The following GRM1 variants were observed in gnomAD, a reference collection of about 807,000 sequenced individuals.
GRM1 encodes the protein metabotropic glutamate receptor 1.
Under a neutral mutation model 90.9 loss-of-function variants are expected in GRM1, and 33 were observed. The ratio of observed to expected loss-of-function variants is 0.36; its 90% CI spans 0.28 to 0.49. The LOEUF is 0.49. Among genes scored for constraint, GRM1 ranks in the 20% least tolerant of loss-of-function variants. The probability of loss-of-function intolerance (pLI) is 0.99; values close to 1 mark genes in which losing one functional copy is unlikely to be tolerated. For missense variants in GRM1, 1,190 were observed against 1,534.3 expected (o/e 0.78, Z 3.75); for synonymous variants, 700 against 613.2 (o/e 1.14, Z -2.09).
chr6:146,270,849 T>TTTTCTTTC (rs1164507964), intron 2 of GRM1, among the ~76,000 whole-genome samples: 1,409 of 91,646 alleles, frequency 0.015, 127 homozygotes, highest in East Asian at 0.025. Flanking sequence ...CTTTCTTTCT[T>TTTTCTTTC]TTTCTTTCTT....
At chr6:146,215,912 A>T (rs1779855643) in intron 2 of GRM1, among the ~76,000 whole-genome samples, 1 of 152,050 alleles carries the variant, frequency 6.6e-6, no homozygotes, top group Non-Finnish European at 1.5e-5. Context: ...GCCTGCCACC[A>T]TGCCCGGCTA....
intron 1 of GRM1, among the ~76,000 whole-genome samples, chr6:146,037,674 A>G (rs1487376088): frequency 6.6e-6 from 1 of 151,930 alleles, no homozygotes; most frequent in African/African-American, 2.4e-5. Context: ...GATGACTCCA[A>G]CATTCATGTG....
intron 1 of GRM1, among the ~76,000 whole-genome samples, chr6:146,085,154 A>T (rs868823671): frequency 7.9e-5 from 12 of 152,246 alleles, no homozygotes; most frequent in African/African-American, 2.6e-4. Context: ...CAATGAAAGA[A>T]CCAGCAACAG....
chr6:146,060,329 A>G (rs1775620651), intron 1 of GRM1, among the ~76,000 whole-genome samples: 1 of 152,128 alleles, frequency 6.6e-6, no homozygotes, highest in African/African-American at 2.4e-5. Flanking sequence ...AATTTGGCGT[A>G]CAGATTATTT....
chr6:146,035,663 A>C (rs1790863859), intron 1 of GRM1, among the ~76,000 whole-genome samples: 1 of 151,940 alleles, frequency 6.6e-6, no homozygotes, highest in Non-Finnish European at 1.5e-5. Flanking sequence ...CGTGAACATA[A>C]ATTTTTACCT....
Position 146,351,784 on chromosome 6 carries a change from TG to T in GRM1, c.1187-464del, listed in dbSNP as rs907354969. 7.2e-5 allele frequency among the ~76,000 whole-genome samples: 11 copies of T among 152,152 alleles called. No individual in the cohort carries two copies. The East Asian group carries it at 1.9e-3, about 27-fold the overall frequency. ...GGCCCTAGAAATGAAAAAAAAATAG[TG>T]GAATCACCAAAAGAAAATACCATGG... is the stretch of plus-strand genomic sequence containing the variant. On this transcript the variant is annotated intron_variant, in intron 3 of 7. Transcript: ENST00000282753.
chr6:146,391,377 T>C (rs1382251197), intron 6 of GRM1, among the ~76,000 whole-genome samples: 1 of 152,050 alleles, frequency 6.6e-6, no homozygotes. Context: ...GTAATAACCC[T>C]AACCATAAAC....
rs144145080 is a variant in GRM1, at chr6:146,091,130, G to A, written c.700+60913G>A. Among the ~76,000 whole-genome samples the A allele has an allele frequency of 3.3e-5, 5 of 152,200 alleles. No individual in the cohort carries two copies. In the East Asian group the frequency reaches 7.7e-4, roughly 24 times the overall value. On this transcript the variant is annotated intron_variant, in intron 1 of 7. Transcript: ENST00000282753. Reference sequence around the variant, plus strand: ...AGACAGAACTGCCCTGGTCAGGAATGGGAAGAAAAGATGTGTGTCCTGAAG... The same window carrying A: ...AGACAGAACTGCCCTGGTCAGGAATAGGAAGAAAAGATGTGTGTCCTGAAG...
intron 1 of GRM1, among the ~76,000 whole-genome samples, chr6:146,085,763 T>G (rs1776521824): frequency 6.6e-6 from 1 of 152,174 alleles, no homozygotes; most frequent in Non-Finnish European, 1.5e-5. Context: ...AAGAGTGTAC[T>G]GGCATTTTTC....
chr6:146,206,595 T>C (rs7750018), intron 2 of GRM1, among the ~76,000 whole-genome samples: 33,346 of 151,834 alleles, frequency 0.22, 7,559 homozygotes, highest in African/African-American at 0.58. Context: ...CAGACTTGGA[T>C]GTTTGTTAGT....
At chr6:146,229,217 C>T (rs1299045310) in intron 2 of GRM1, among the ~76,000 whole-genome samples, 2 of 151,772 alleles carry the variant, frequency 1.3e-5, no homozygotes, top group African/African-American at 4.8e-5. Flanking sequence ...CTCCCGACCT[C>T]AGGTGATCCG....
intron 2 of GRM1, among the ~76,000 whole-genome samples, chr6:146,173,651 A>AT (rs1239597597): frequency 6.8e-6 from 1 of 146,148 alleles, no homozygotes; most frequent in Non-Finnish European, 1.5e-5. Flanking sequence ...TTGCAGAATA[A>AT]TTTTTTTCCT....
chr6:146,135,989 T>A (rs1251236332), intron 1 of GRM1, among the ~76,000 whole-genome samples: 1 of 152,166 alleles, frequency 6.6e-6, no homozygotes, highest in Non-Finnish European at 1.5e-5. Context: ...AAGAGTTCAA[T>A]TGTTTGAATT....
At chr6:146,065,914 T>G (rs1775829896) in intron 1 of GRM1, among the ~76,000 whole-genome samples, 1 of 151,510 alleles carries the variant, frequency 6.6e-6, no homozygotes, top group Non-Finnish European at 1.5e-5. Flanking sequence ...GAATAGGACA[T>G]GCACATAAGA....
chr6:146,416,698 C>T (rs536188155), intron 7 of GRM1, among the ~76,000 whole-genome samples: 6 of 152,242 alleles, frequency 3.9e-5, no homozygotes, highest in East Asian at 3.9e-4. Context: ...TTTTATAAAA[C>T]TTGTTCTGCT....
At chr6:146,336,948 G>A (rs1242047951) in intron 3 of GRM1, among the ~76,000 whole-genome samples, 1 of 152,230 alleles carries the variant, frequency 6.6e-6, no homozygotes, top group Non-Finnish European at 1.5e-5. Context: ...TCAGGTGTTT[G>A]TGTCTGCATG....
intron 2 of GRM1, among the ~76,000 whole-genome samples, chr6:146,266,057 T>TG (rs959666563): frequency 1.3e-5 from 2 of 151,860 alleles, no homozygotes; most frequent in African/African-American, 2.4e-5. Context: ...GGTATGGTGG[T>TG]GCGTGCCTGT....
At chr6:146,191,920 G>A (rs1317877625) in intron 2 of GRM1, among the ~76,000 whole-genome samples, 1 of 152,164 alleles carries the variant, frequency 6.6e-6, no homozygotes, top group East Asian at 1.9e-4. Context: ...GGAACACACA[G>A]CACACAAACA....
At chr6:146,194,163 G>T (rs1779032398) in intron 2 of GRM1, among the ~76,000 whole-genome samples, 1 of 151,814 alleles carries the variant, frequency 6.6e-6, no homozygotes, top group Non-Finnish European at 1.5e-5. Context: ...ATTGATATTG[G>T]CAATTTGGGC....
Sources: allele counts gnomAD v4.1 joint callset (sites outside exome capture counted in the v4.1 genomes callset), GRCh38; gene constraint gnomAD v4.1.1; transcripts MANE v1.5; gene names NCBI Gene and HGNC (gene_info 2026-07-23, HGNC 2026-07-21).